The following FMNL2 variants were observed in gnomAD, a reference collection of about 807,000 sequenced individuals.
FMNL2 encodes the protein formin-like protein 2.
FMNL2 carries 51 observed loss-of-function variants against 130.2 expected under a neutral mutation model. The ratio of observed to expected loss-of-function variants is 0.39; its 90% CI spans 0.31 to 0.49. The LOEUF is 0.49. FMNL2 is among the 20% of genes least tolerant of loss of function. The pLI, the probability that FMNL2 is intolerant of heterozygous loss-of-function variation, is 0.85. For synonymous variants in FMNL2, 465 were observed against 467.1 expected, an observed-to-expected ratio of 1.00 and a Z score of 0.06; for missense variants, 977 against 1,316.2, an observed-to-expected ratio of 0.74 and a Z score of 3.99.
chr2:152,443,646 C>G (rs904722827), intron 1 of FMNL2, among the ~76,000 whole-genome samples: 1 of 151,824 alleles, frequency 6.6e-6, no homozygotes, highest in Non-Finnish European at 1.5e-5. Context: ...AGTTCAAGAC[C>G]AGGCTAACCA....
intron 1 of FMNL2, among the ~76,000 whole-genome samples, chr2:152,520,790 C>T (rs1040608253): frequency 1.3e-5 from 2 of 152,106 alleles, no homozygotes; most frequent in Admixed American, 1.3e-4. Flanking sequence ...ACAGCATACT[C>T]ACCTTTGCCT....
chr2:152,369,101 C>T (rs540754377), intron 1 of FMNL2, among the ~76,000 whole-genome samples: 2 of 152,276 alleles, frequency 1.3e-5, no homozygotes, highest in South Asian at 2.1e-4. Context: ...AGTGTAGGAT[C>T]TTCTAAAGTG....
In FMNL2 at chr2:152,636,555, C is replaced by G; in HGVS notation, c.2809C>G (p.Leu937Val). The change falls in exon 22 of 26, where the codon CTG becomes GTG. Residue 937 changes from leucine to valine, a missense_variant. Physicochemically the swap from Leu to Val is conservative, Grantham distance 32 (BLOSUM62 1). Transcript: ENST00000288670. ...GTTCATCCTCAACAATGAGGGGAAGCTGAAGAAGCTGCAGGATGATGCCAA... is the reference window on the plus strand; with the variant it reads ...GTTCATCCTCAACAATGAGGGGAAGGTGAAGAAGCTGCAGGATGATGCCAA... The part of the protein sequence containing the change: ...KEFILNNEGK[L>V]KKLQDDAKIA... 6 of 1,574,502 alleles carry G rather than the reference C, an allele frequency of 3.8e-6. No homozygotes were observed. The highest frequency in any genetic ancestry group is 5.2e-6 in the Non-Finnish European group (6 of 1,159,112).
intron 15 of FMNL2, among the ~76,000 whole-genome samples, chr2:152,624,991 A>T (rs1335919003): frequency 6.6e-6 from 1 of 152,152 alleles, no homozygotes. Context: ...GTCCCTGATC[A>T]TCTTCTAAGG....
At chr2:152,533,192 C>G (rs181977810) in intron 2 of FMNL2, among the ~76,000 whole-genome samples, 1 of 152,218 alleles carries the variant, frequency 6.6e-6, no homozygotes, top group Non-Finnish European at 1.5e-5. Flanking sequence ...GGAAATTTTA[C>G]AGTTTTGGTT....
chr2:152,467,329 GAA>G (rs1425146010), intron 1 of FMNL2, among the ~76,000 whole-genome samples: 1 of 152,160 alleles, frequency 6.6e-6, no homozygotes, highest in East Asian at 1.9e-4. Flanking sequence ...AAACTGAAAT[GAA>G]ACACACAAAT....
chr2:152,578,774 G>A (rs12693407), intron 7 of FMNL2, 114 bp from the exon 8 acceptor site: 452,557 of 705,582 alleles, frequency 0.64, 148,364 homozygotes, highest in East Asian at 0.89. Flanking sequence ...ATTTATAATG[G>A]TGTAAGTTTC....
Position 152,624,085 on chromosome 2 carries a change from CTT to C in FMNL2, c.1838-1352_1838-1351del, listed in dbSNP as rs1559019690. On this transcript the variant is annotated intron_variant, in intron 15 of 25. Coordinates refer to ENST00000288670, the MANE Select transcript of FMNL2 (RefSeq NM_052905.4). ...CCTCCCCTCCCCTCCACTCAATTCCCTTCGCCTCCCCTCCCCTCCCTTCCCTT... is the reference window on the plus strand; with the variant it reads ...CCTCCCCTCCCCTCCACTCAATTCCCCGCCTCCCCTCCCCTCCCTTCCCTT... Among the ~76,000 whole-genome samples, 2 of 18,592 alleles carry C rather than the reference CTT, an allele frequency of 1.1e-4. 1 individual carries two copies. The highest frequency in any genetic ancestry group is 1.7e-4 in the Non-Finnish European group (2 of 11,972). 12.2% of individuals were successfully genotyped at this position (18,592 alleles called of 152,430 possible).
chr2:152,544,787 C>A (rs774079149), intron 3 of FMNL2, among the ~76,000 whole-genome samples: 3 of 152,196 alleles, frequency 2.0e-5, no homozygotes, highest in Non-Finnish European at 4.4e-5. Context: ...CTTCCATACC[C>A]CACATGGAGG....
intron 12 of FMNL2, 46 bp from the exon 13 acceptor site, chr2:152,617,045 C>A (rs1698990008): frequency 6.4e-7 from 1 of 1,551,314 alleles, no homozygotes; most frequent in Non-Finnish European, 8.9e-7. Context: ...GAGGGCTGAT[C>A]AAGATGATCC....
chr2:152,540,837 A>G (rs1282656886), intron 2 of FMNL2, among the ~76,000 whole-genome samples: 1 of 152,188 alleles, frequency 6.6e-6, no homozygotes, highest in Non-Finnish European at 1.5e-5. Flanking sequence ...AACTTAAAGT[A>G]TAATTAAAAA....
chr2:152,543,729 C>CAAAAAAAAAAAAAAA (rs71394490), intron 3 of FMNL2, among the ~76,000 whole-genome samples: 1 of 61,398 alleles, frequency 1.6e-5, no homozygotes, highest in Non-Finnish European at 2.8e-5. Flanking sequence ...ACCCCCCGAC[C>CAAAAAAAAAAAAAAA]AAAAAAAAAA....
intron 1 of FMNL2, among the ~76,000 whole-genome samples, chr2:152,456,873 G>C (rs1486316602): frequency 6.7e-6 from 1 of 148,598 alleles, no homozygotes; most frequent in Non-Finnish European, 1.5e-5. Context: ...GGGAGGTGGA[G>C]GTTGCAGTGA....
intron 11 of FMNL2, among the ~76,000 whole-genome samples, 152 bp downstream of exon 11, chr2:152,611,757 G>A (rs1451121718): frequency 2.0e-5 from 3 of 152,216 alleles, no homozygotes; most frequent in Admixed American, 1.3e-4. Flanking sequence ...GCTGAGTGAT[G>A]TACTCTGCCA....
intron 1 of FMNL2, among the ~76,000 whole-genome samples, chr2:152,508,316 G>C (rs193214478): frequency 1.3e-5 from 2 of 152,070 alleles, no homozygotes; most frequent in African/African-American, 4.8e-5. Context: ...TGAAAATTAG[G>C]AATCTCTTGA....
intron 23 of FMNL2, among the ~76,000 whole-genome samples, chr2:152,639,007 G>A (rs927684790): frequency 2.6e-5 from 4 of 151,964 alleles, no homozygotes; most frequent in African/African-American, 9.7e-5. Context: ...TGTGTTGGAG[G>A]TCCCAGCCTG....
At chr2:152,439,396 G>C (rs887833080) in intron 1 of FMNL2, among the ~76,000 whole-genome samples, 1 of 152,080 alleles carries the variant, frequency 6.6e-6, no homozygotes, top group Non-Finnish European at 1.5e-5. Flanking sequence ...TGTTGGATAT[G>C]TGTGTGTTTT....
chr2:152,611,669 G>A, intron 11 of FMNL2, 64 bp downstream of exon 11: 1 of 1,064,658 alleles, frequency 9.4e-7, no homozygotes, highest in Non-Finnish European at 1.4e-6. Context: ...TGCCCTCAAA[G>A]GTACGCTTCC....
intron 20 of FMNL2, among the ~76,000 whole-genome samples, chr2:152,630,488 TC>T (rs1682087003): frequency 6.6e-6 from 1 of 152,202 alleles, no homozygotes; most frequent in Non-Finnish European, 1.5e-5. Flanking sequence ...TGCAGGGTGC[TC>T]TAATTTTCAG....
Sources: allele counts gnomAD v4.1 joint callset (sites outside exome capture counted in the v4.1 genomes callset), GRCh38; gene constraint gnomAD v4.1.1; transcripts MANE v1.5; gene names NCBI Gene and HGNC (gene_info 2026-07-23, HGNC 2026-07-21).